Variants in PPFIBP1 observed in about 807,000 individuals in gnomAD.
PPFIBP1 encodes PPFIB scaffold protein 1.
In PPFIBP1, 112 loss-of-function variants were observed where a neutral mutation model predicts 137.8. That is an observed-to-expected ratio of 0.81 (90% CI 0.70 to 0.95). The LOEUF (loss-of-function observed/expected upper bound fraction) is 0.95, where lower values mean the gene tolerates loss of function less well. PPFIBP1 is among the 40% of genes least tolerant of loss of function. The probability of loss-of-function intolerance (pLI) is 0.00; values close to 1 mark genes in which losing one functional copy is unlikely to be tolerated. For missense variants in PPFIBP1, 1,083 were observed against 1,196.6 expected, an observed-to-expected ratio of 0.91 and a Z score of 1.40; for synonymous variants, 378 against 417.3, an observed-to-expected ratio of 0.91 and a Z score of 1.15.
rs149472499 is a variant in PPFIBP1, at chr12:27,647,727, A to C, written c.358-2A>C. ...CATTGCATTATTTTGCTCTAAATAC[A>C]GGTAAGTGTGTTAACAGACCAGGTG... On this transcript the variant is annotated splice_acceptor_variant, in intron 5 of 29. Transcript: ENST00000228425. LOFTEE classifies it high-confidence loss of function. 8.2e-6 allele frequency: 13 copies of C among 1,580,014 alleles called. No homozygotes were observed. The African/African-American group carries it at 1.4e-4, about 17-fold the overall frequency.
rs574220531 is a variant in PPFIBP1 at position 27,532,274 on chromosome 12, T to C, written c.-124+7909T>C. 1.6e-4 allele frequency among the ~76,000 whole-genome samples: 24 copies of C among 152,278 alleles called. No homozygotes were observed. The South Asian group carries it at 5.0e-3, about 32-fold the overall frequency. ...TGGCACACCTTATTCATAACTGTAA[T>C]AAAATGCAGATTTAGAATACTGTTT... On this transcript the variant is annotated intron_variant, in intron 1 of 29. Transcript: ENST00000228425.
chr12:27,672,704 A>G (rs2060275198), intron 15 of PPFIBP1, among the ~76,000 whole-genome samples: 1 of 152,210 alleles, frequency 6.6e-6, no homozygotes, highest in African/African-American at 2.4e-5. Flanking sequence ...AGGGTTTTGC[A>G]GATCTCATGC....
Position 27,647,836 on chromosome 12 carries a change from G to A in PPFIBP1, c.465G>A (p.Leu155=), listed in dbSNP as rs73294079. The change falls in exon 6 of 30, where the codon CTG becomes CTA. Residue 155 remains leucine, a synonymous_variant. Transcript: ENST00000228425. ...REKVNATEEM[L]QQELLSRTSL... is the part of the protein sequence containing the mutation. ...AGGTGAATGCCACAGAAGAAATGCT[G>A]CAGCAGGTATGTGCAGAGGCCAGAA... 5.3e-3 allele frequency: 8,516 copies of A among 1,611,260 alleles called. 129 individuals are homozygous for A. The highest frequency in any genetic ancestry group is 0.036 in the East Asian group (1,622 of 44,680).
intron 2 of PPFIBP1, among the ~76,000 whole-genome samples, chr12:27,606,320 G>C (rs1350185688): frequency 1.7e-5 from 1 of 57,196 alleles, no homozygotes; most frequent in Non-Finnish European, 3.9e-5. Context: ...GGCATTTTTG[G>C]GGTATGGGGG....
chr12:27,561,477 G>GTC (rs967483740), intron 1 of PPFIBP1, among the ~76,000 whole-genome samples: 4 of 152,256 alleles, frequency 2.6e-5, no homozygotes, highest in African/African-American at 9.6e-5. Flanking sequence ...TTCTGAGTGG[G>GTC]TCTCTCTGTA....
At chr12:27,586,295 A>C (rs1171502049) in intron 2 of PPFIBP1, among the ~76,000 whole-genome samples, 1 of 152,352 alleles carries the variant, frequency 6.6e-6, no homozygotes, top group East Asian at 1.9e-4. Flanking sequence ...AGAGTCTTTG[A>C]ACTTTTTAAA....
At chr12:27,552,370 A>G (rs561890302) in intron 1 of PPFIBP1, among the ~76,000 whole-genome samples, 1 of 152,306 alleles carries the variant, frequency 6.6e-6, no homozygotes, top group South Asian at 2.1e-4. Flanking sequence ...AATCCCAGAC[A>G]GTCGACTCCA....
Position 27,679,936 on chromosome 12 carries a change from TAGG to T in PPFIBP1, c.1773_1775del (p.Arg592del), listed in dbSNP as rs1296145407. On this transcript the variant is annotated inframe_deletion, in exon 21 of 30. Transcript: ENST00000228425. ...CCATGTGTGTTGTCTTCTTTAGACT[TAGG>T]AGAAGTCAATCAACTACATTCAACC... 3 of 1,613,984 alleles carry T rather than the reference TAGG, an allele frequency of 1.9e-6. No homozygotes were observed. The highest frequency in any genetic ancestry group is 1.7e-5 in the Admixed American group (1 of 60,008).
In PPFIBP1 at chr12:27,672,468, T is replaced by C. The variant is rs754807737; in HGVS notation, c.1304T>C (p.Leu435Pro). The change falls in exon 15 of 30, where the codon CTG (leucine) becomes CCG (proline). Residue 435 changes from leucine to proline, a missense_variant. Transcript: ENST00000228425. Reference protein sequence around the residue: ...IILGATVDTQLCDKLLTSSLQ... With the variant: ...IILGATVDTQPCDKLLTSSLQ... ...CTTGGTGCCACTGTTGATACCCAAC[T>C]GTGTGATAAACTTTTGTAAGTTACA... 1 of 1,607,862 alleles carries C rather than the reference T, an allele frequency of 6.2e-7. No homozygotes were observed. Among genetic ancestry groups the C allele is most frequent in the South Asian group, 1.1e-5 (1 of 90,742 alleles).
chr12:27,656,204 T>C (rs1432926910), intron 8 of PPFIBP1, among the ~76,000 whole-genome samples: 9 of 152,258 alleles, frequency 5.9e-5, no homozygotes, highest in Admixed American at 2.6e-4. Flanking sequence ...CTTGAAATGC[T>C]GAATAAATGT....
At chr12:27,690,484 C>G (rs1469163675) in intron 27 of PPFIBP1, among the ~76,000 whole-genome samples, 1 of 152,182 alleles carries the variant, frequency 6.6e-6, no homozygotes, top group African/African-American at 2.4e-5. Context: ...TGCCTGTAGT[C>G]CCAGTGCATT....
At chr12:27,607,010 A>G (rs117477845) in intron 2 of PPFIBP1, among the ~76,000 whole-genome samples, 3,144 of 152,312 alleles carry the variant, frequency 0.021, 37 homozygotes, top group Non-Finnish European at 0.032. Flanking sequence ...TGGTTTATTA[A>G]GCAAAGAATG....
At chr12:27,679,673 T>A in intron 20 of PPFIBP1, 34 bp downstream of exon 20, 2 of 1,582,158 alleles carry the variant, frequency 1.3e-6, no homozygotes, top group Middle Eastern at 1.7e-4. Flanking sequence ...GAATGGGCCC[T>A]GTCTTACATG....
intron 24 of PPFIBP1, among the ~76,000 whole-genome samples, chr12:27,684,123 T>C (rs1335304845): frequency 6.7e-6 from 1 of 150,242 alleles, no homozygotes; most frequent in African/African-American, 2.5e-5. Flanking sequence ...ATTTATTTAT[T>C]TTGGAGACAG....
chr12:27,611,338 G>T (rs953267556), intron 2 of PPFIBP1, among the ~76,000 whole-genome samples: 7 of 152,094 alleles, frequency 4.6e-5, no homozygotes, highest in Admixed American at 4.6e-4. Flanking sequence ...TTCTCCCCTT[G>T]GCTTGTACAT....
At chr12:27,654,606 T>C in intron 7 of PPFIBP1, 116 bp from the exon 8 acceptor site, 1 of 1,314,082 alleles carries the variant, frequency 7.6e-7, no homozygotes, top group Non-Finnish European at 1.0e-6. Flanking sequence ...ATCTGATTCA[T>C]ACAACTTTAA....
intron 2 of PPFIBP1, among the ~76,000 whole-genome samples, chr12:27,627,744 C>G (rs1312934451): frequency 6.6e-6 from 1 of 152,038 alleles, no homozygotes; most frequent in Non-Finnish European, 1.5e-5. Flanking sequence ...ATATTTTACC[C>G]CATTCAAATC....
At chr12:27,599,977 A>G (rs777871411) in intron 2 of PPFIBP1, among the ~76,000 whole-genome samples, 1 of 152,202 alleles carries the variant, frequency 6.6e-6, no homozygotes, top group Non-Finnish European at 1.5e-5. Flanking sequence ...TTCCAATACC[A>G]TCTTTGTTTT....
chr12:27,569,170 T>G (rs545158867), intron 1 of PPFIBP1, among the ~76,000 whole-genome samples: 1 of 152,334 alleles, frequency 6.6e-6, no homozygotes, highest in South Asian at 2.1e-4. Flanking sequence ...TCTAATTTGA[T>G]GTTGATTTTT....
Sources: allele counts gnomAD v4.1 joint callset (sites outside exome capture counted in the v4.1 genomes callset), GRCh38; gene constraint gnomAD v4.1.1; transcripts MANE v1.5; gene names NCBI Gene and HGNC (gene_info 2026-07-23, HGNC 2026-07-21).